Variants in HTT observed in about 807,000 individuals in gnomAD.
HTT encodes the protein huntington disease protein.
In HTT, 104 loss-of-function variants were observed where a neutral mutation model predicts 362.3. The ratio of observed to expected loss-of-function variants is 0.29; its 90% CI spans 0.24 to 0.34. The LOEUF is 0.34. Among genes scored for constraint, HTT ranks in the 10% least tolerant of loss-of-function variants. HTT has a pLI of 1.00. For synonymous variants in HTT, 1,577 were observed against 1,548.7 expected (o/e 1.02, Z -0.43); for missense variants, 3,301 against 3,928.6 (o/e 0.84, Z 4.27).
chr4:3,129,806 A>C, intron 12 of HTT, 118 bp from the exon 13 acceptor site: 2 of 1,176,402 alleles, frequency 1.7e-6, no homozygotes, highest in Non-Finnish European at 2.5e-6. Flanking sequence ...ATGACAGATG[A>C]GTACATTTGT....
intron 45 of HTT, among the ~76,000 whole-genome samples, chr4:3,207,758 C>T (rs1298978868): frequency 6.6e-6 from 1 of 152,222 alleles, no homozygotes; most frequent in East Asian, 1.9e-4. Context: ...CCTTGGCATG[C>T]AGGACTTACA....
chr4:3,083,376 C>G (rs989320329), intron 1 of HTT, among the ~76,000 whole-genome samples: 4 of 151,926 alleles, frequency 2.6e-5, no homozygotes, highest in African/African-American at 9.7e-5. Context: ...AAAAAATTAG[C>G]TGGGCATAGT....
intron 1 of HTT, among the ~76,000 whole-genome samples, chr4:3,075,364 T>A (rs1712464441): frequency 6.6e-6 from 1 of 151,850 alleles, no homozygotes; most frequent in Non-Finnish European, 1.5e-5. Flanking sequence ...CCGAGGGGAG[T>A]CACGGCCTCA....
intron 29 of HTT, among the ~76,000 whole-genome samples, chr4:3,165,128 A>G (rs2110223221): frequency 6.6e-6 from 1 of 152,234 alleles, no homozygotes; most frequent in East Asian, 1.9e-4. Flanking sequence ...TGGTGACAAA[A>G]TCTCTGCATT....
intron 26 of HTT, among the ~76,000 whole-genome samples, chr4:3,153,901 T>C (rs947441956): frequency 2.2e-4 from 33 of 151,946 alleles, no homozygotes; most frequent in African/African-American, 6.0e-4. Flanking sequence ...GGGTGACGAG[T>C]GAGACCCTGT....
At position 3,130,332 on chromosome 4, in the gene HTT, A is replaced by G. The variant is rs532096335; in HGVS notation, c.1895A>G (p.Asn632Ser). 26 of 1,598,176 alleles carry G rather than the reference A, an allele frequency of 1.6e-5. No individual in the cohort carries two copies. In the Admixed American group the frequency reaches 4.3e-4, roughly 27 times the overall value. The change falls in exon 14 of 67, where the codon AAC (asparagine) becomes AGC (serine). Residue 632 changes from asparagine to serine, a missense_variant. Around this residue, in one of 4 missense-constraint regions of HTT, gnomAD observed 2,316 missense variants for 2,658.5 expected, o/e 0.87. Transcript: ENST00000355072. ...MALQQAHLLK[N>S]MSHCRQPSDS... is the part of the protein sequence containing the mutation. Reference sequence around the variant, plus strand: ...CTTCAACAGGCACATTTATTGAAAAACATGAGTCACTGCAGGCAGCCTTCT... The same window carrying G: ...CTTCAACAGGCACATTTATTGAAAAGCATGAGTCACTGCAGGCAGCCTTCT...
intron 50 of HTT, among the ~76,000 whole-genome samples, chr4:3,214,881 A>C (rs553648083): frequency 2.6e-5 from 4 of 152,242 alleles, no homozygotes; most frequent in Non-Finnish European, 5.9e-5. Flanking sequence ...CGAGGGACTT[A>C]GAAATCTGAA....
chr4:3,102,620 T>G lies in HTT; in HGVS notation c.469-1204T>G, dbSNP rs1714210920. The stretch of plus-strand genomic sequence containing the variant: ...TGACCCAATAGGTTAACCCACAAGT[T>G]TTACGAAGACCATCTCAGTCCACTT... On this transcript the variant is annotated intron_variant, in intron 3 of 66. Coordinates refer to ENST00000355072, the MANE Select transcript of HTT (RefSeq NM_001388492.1). Among the ~76,000 whole-genome samples the G allele has an allele frequency of 2.6e-5, 4 of 152,184 alleles. No homozygotes were observed. The South Asian group carries it at 8.3e-4, about 31-fold the overall frequency.
chr4:3,202,159 G>A (rs1056366026), intron 41 of HTT, among the ~76,000 whole-genome samples: 1 of 152,288 alleles, frequency 6.6e-6, no homozygotes, highest in Admixed American at 6.5e-5. Context: ...TTTGGCGCTT[G>A]TGGGTGTGTT....
At chr4:3,208,412 T>A (rs577658924) in intron 45 of HTT, among the ~76,000 whole-genome samples, 69 of 152,380 alleles carry the variant, frequency 4.5e-4, no homozygotes, top group Non-Finnish European at 8.8e-4. Flanking sequence ...ATTTGTGCAT[T>A]TGAGTCTTAG....
chr4:3,209,667 C>G (rs1185474081), intron 46 of HTT, among the ~76,000 whole-genome samples, 160 bp from the exon 47 acceptor site: 2 of 152,176 alleles, frequency 1.3e-5, no homozygotes, highest in African/African-American at 4.8e-5. Context: ...AGGGGAAAAC[C>G]TGTGGTGTGG....
intron 42 of HTT, among the ~76,000 whole-genome samples, chr4:3,205,017 G>A (rs1325203002): frequency 6.6e-6 from 1 of 152,044 alleles, no homozygotes; most frequent in East Asian, 1.9e-4. Flanking sequence ...TGTAGAAAAG[G>A]TGTTAGATGT....
intron 40 of HTT, among the ~76,000 whole-genome samples, chr4:3,194,468 A>T (rs1483595833): frequency 2.0e-5 from 3 of 152,228 alleles, no homozygotes; most frequent in Non-Finnish European, 4.4e-5. Flanking sequence ...AGGTGGAAAC[A>T]TCAGCTTTGT....
chr4:3,132,714 C>G lies in HTT; in HGVS notation c.2389C>G (p.Leu797Val). The G allele has an allele frequency of 6.2e-7, 1 of 1,614,186 alleles. No individual in the cohort carries two copies. The highest frequency in any genetic ancestry group is 2.2e-5 in the East Asian group (1 of 44,890). ...AGATTGGATGGGCACCATTAGAACC[C>G]TCACAGGTAACGGCCAGTTTTTCAG... Reference protein sequence around the residue: ...VGDWMGTIRTLTGNTFSLADC... With the variant: ...VGDWMGTIRTVTGNTFSLADC... The change falls in exon 17 of 67, where the codon CTC becomes GTC. Residue 797 changes from leucine to valine, a missense_variant. Physicochemically the swap from Leu to Val is conservative, Grantham distance 32 (BLOSUM62 1). Coordinates refer to ENST00000355072, the MANE Select transcript of HTT (RefSeq NM_001388492.1).
chr4:3,155,854 T>C (rs2110213329), intron 27 of HTT, among the ~76,000 whole-genome samples: 1 of 148,596 alleles, frequency 6.7e-6, no homozygotes, highest in African/African-American at 2.5e-5. Flanking sequence ...GCTGAGTTCA[T>C]GCCACTGCAC....
chr4:3,175,187 T>G, intron 33 of HTT, 80 bp downstream of exon 33: 1 of 1,308,652 alleles, frequency 7.6e-7, no homozygotes, highest in Non-Finnish European at 1.1e-6. Flanking sequence ...GAAATCTACT[T>G]TAAAGAAATG....
rs1318949004 is a variant in HTT, at chr4:3,103,856, G to A, written c.501G>A (p.Gln167=). 1.1e-5 allele frequency: 18 copies of A among 1,606,644 alleles called. No individual in the cohort carries two copies. The highest frequency in any genetic ancestry group is 1.7e-5 in the Admixed American group (1 of 59,872). Residue 167 remains glutamine (Q), a synonymous_variant, in exon 4 of 67, where the codon CAG becomes CAA. Transcript: ENST00000355072. ...ALMDSNLPRL[Q]LELYKEIKKN... is the part of the protein sequence containing the mutation. ...TGGATTCTAATCTTCCAAGGTTACA[G>A]CTCGAGCTCTATAAGGAAATTAAAA...
At chr4:3,211,801 A>G (rs1560595607) in intron 47 of HTT, 128 bp from the exon 48 acceptor site, 2 of 647,712 alleles carry the variant, frequency 3.1e-6, no homozygotes. Flanking sequence ...AATATTTTTG[A>G]TGGTATACCA....
At chr4:3,108,558 C>T (rs1323007118) in intron 6 of HTT, among the ~76,000 whole-genome samples, 1 of 152,192 alleles carries the variant, frequency 6.6e-6, no homozygotes, top group African/African-American at 2.4e-5. Flanking sequence ...ATATCTCTGG[C>T]TGTCAGAGCT....
Sources: gnomAD v4.1 joint callset for allele counts (sites outside exome capture counted in the v4.1 genomes callset) on GRCh38, gnomAD v4.1.1 for gene constraint, gnomAD v4.1.1 regional missense constraint, MANE v1.5 for transcripts, NCBI Gene and HGNC (gene_info 2026-07-23, HGNC 2026-07-21) for gene names.